FYCO1: variants seen among roughly 807,000 people sequenced by gnomAD.
The protein encoded by FYCO1 is FYVE and coiled-coil domain-containing protein 1.
In FYCO1, 122 loss-of-function variants were observed where a neutral mutation model predicts 165.1. The ratio of observed to expected loss-of-function variants is 0.74; its 90% CI spans 0.64 to 0.86. FYCO1 has a LOEUF of 0.86. Ranked by LOEUF, FYCO1 falls within the 40% of genes least tolerant of loss-of-function variation. The pLI is 0.00. For missense variants in FYCO1, 1,702 were observed against 1,810.3 expected, an observed-to-expected ratio of 0.94 and a Z score of 1.09; for synonymous variants, 648 against 742.5, an observed-to-expected ratio of 0.87 and a Z score of 2.07.
At chr3:45,930,822 C>A (rs1488715992) in intron 16 of FYCO1, among the ~76,000 whole-genome samples, 1 of 152,194 alleles carries the variant, frequency 6.6e-6, no homozygotes, top group African/African-American at 2.4e-5. Flanking sequence ...CAAGGGCAGA[C>A]TGTACCTGTT....
chr3:45,967,224 T>C lies in FYCO1; in HGVS notation c.2110A>G (p.Ser704Gly). ...QMAEKEAILQSKEGECQQLRE... is the reference protein window; with the variant it reads ...QMAEKEAILQGKEGECQQLRE... Reference sequence around the variant, plus strand: ...AGCTGCTGACACTCGCCCTCCTTGCTCTGTAGAATGGCCTCCTTCTCTGCC... The same window carrying C: ...AGCTGCTGACACTCGCCCTCCTTGCCCTGTAGAATGGCCTCCTTCTCTGCC... The change falls in exon 8 of 18, where the codon AGC becomes GGC. Residue 704 changes from serine to glycine, a missense_variant. Coordinates refer to ENST00000296137, the MANE Select transcript of FYCO1 (RefSeq NM_024513.4). The C allele has an allele frequency of 6.2e-7, 1 of 1,614,080 alleles. No homozygotes were observed. The highest frequency in any genetic ancestry group is 1.1e-5 in the South Asian group (1 of 91,086).
intron 14 of FYCO1, among the ~76,000 whole-genome samples, chr3:45,951,442 T>C (rs1705019025): frequency 6.6e-6 from 1 of 152,180 alleles, no homozygotes; most frequent in African/African-American, 2.4e-5. Context: ...TGTCTGCTCA[T>C]CTGGTAGCTA....
At chr3:45,957,359 A>G (rs1367368002) in intron 13 of FYCO1, among the ~76,000 whole-genome samples, 1 of 152,272 alleles carries the variant, frequency 6.6e-6, no homozygotes, top group Non-Finnish European at 1.5e-5. Flanking sequence ...ACATGACAAC[A>G]AAAAGAAAAA....
At chr3:45,949,272 G>A (rs977349122) in intron 14 of FYCO1, among the ~76,000 whole-genome samples, 1 of 152,224 alleles carries the variant, frequency 6.6e-6, no homozygotes, top group Non-Finnish European at 1.5e-5. Context: ...CTTTTAGGGT[G>A]ACAAGGCTGA....
chr3:45,976,403 A>T (rs774918125), intron 4 of FYCO1, among the ~76,000 whole-genome samples: 5 of 152,232 alleles, frequency 3.3e-5, no homozygotes, highest in Non-Finnish European at 5.9e-5. Flanking sequence ...CACAGAAGAC[A>T]CTTGGGCAAG....
intron 14 of FYCO1, among the ~76,000 whole-genome samples, chr3:45,940,384 C>T (rs1301602166): frequency 6.6e-6 from 1 of 152,202 alleles, no homozygotes; most frequent in Middle Eastern, 3.2e-3. Flanking sequence ...CAAGCACGCA[C>T]ACTAAGAGGC....
chr3:45,949,510 G>C (rs1704860063), intron 14 of FYCO1, among the ~76,000 whole-genome samples: 1 of 152,140 alleles, frequency 6.6e-6, no homozygotes, highest in Non-Finnish European at 1.5e-5. Flanking sequence ...TGCAGGCTCT[G>C]GGCTCACTCT....
intron 1 of FYCO1, among the ~76,000 whole-genome samples, chr3:45,995,513 T>C (rs1240303815): frequency 6.6e-6 from 1 of 152,176 alleles, no homozygotes. Flanking sequence ...GCAGGCTGGG[T>C]GCCTGGGCCG....
chr3:45,962,182 A>G lies in FYCO1; in HGVS notation c.3437+43T>C, dbSNP rs1418848106. 1.2e-6 allele frequency: 2 copies of G among 1,603,494 alleles called. No homozygotes were observed. The highest frequency in any genetic ancestry group is 1.7e-6 in the Non-Finnish European group (2 of 1,170,262). ...CTGCATTTCTTTAGAGAAAAACCCC[A>G]GTGTGGGGAAAACCCCAGCTGCTGG... is the stretch of plus-strand genomic sequence containing the variant. On this transcript the variant is annotated intron_variant, in intron 11 of 17. Transcript: ENST00000296137. The surrounding 1 kb of genome is among the most constrained non-coding windows in gnomAD (Gnocchi z 4.4).
At chr3:45,947,901 C>T in intron 14 of FYCO1, 1 of 229,380 alleles carries the variant, frequency 4.4e-6, no homozygotes, top group Admixed American at 5.2e-5. Context: ...GCTCAGAAGG[C>T]TCTTCTGACT....
intron 5 of FYCO1, among the ~76,000 whole-genome samples, chr3:45,974,420 C>G (rs1017675085): frequency 1.3e-5 from 2 of 152,184 alleles, no homozygotes; most frequent in African/African-American, 4.8e-5. Flanking sequence ...AAATAACCTT[C>G]AAATCAAATA....
chr3:45,978,704 T>C (rs1348394155), intron 4 of FYCO1, among the ~76,000 whole-genome samples: 2 of 152,174 alleles, frequency 1.3e-5, no homozygotes, highest in Non-Finnish European at 1.5e-5. Flanking sequence ...ATCAAGGGGT[T>C]TACCTGCTCC....
intron 14 of FYCO1, among the ~76,000 whole-genome samples, chr3:45,938,585 C>T (rs1575336286): frequency 1.3e-5 from 2 of 152,326 alleles, no homozygotes; most frequent in Non-Finnish European, 2.9e-5. Flanking sequence ...CATCCGACTC[C>T]CTGGTTCAAG....
At chr3:45,928,556 G>C (rs1487510610) in intron 16 of FYCO1, among the ~76,000 whole-genome samples, 1 of 152,220 alleles carries the variant, frequency 6.6e-6, no homozygotes, top group Non-Finnish European at 1.5e-5. Flanking sequence ...ACAGGGTGGA[G>C]AGTGTCTGAC....
chr3:45,921,199 C>T lies in FYCO1; in HGVS notation c.*566G>A, dbSNP rs975943259. The T allele has an allele frequency of 5.3e-6, 1 of 187,354 alleles. No individual in the cohort carries two copies. Among genetic ancestry groups the T allele is most frequent in the Admixed American group, 5.3e-5 (1 of 18,832 alleles). The allele number at this position is 187,354 out of a possible 1,614,324, so 11.6% of individuals were successfully genotyped here. A position where few individuals can be genotyped will look rare whatever the true frequency, so the allele number is the denominator to read the frequency against. On this transcript the variant is annotated 3_prime_UTR_variant, in exon 18 of 18. Coordinates refer to ENST00000296137, the MANE Select transcript of FYCO1 (RefSeq NM_024513.4). ...TCCAGCTTACTGGGGCAGTGAGGGACAAGAGCATGACTGGAGGAGCTGGTC... is the reference window on the plus strand; with the variant it reads ...TCCAGCTTACTGGGGCAGTGAGGGATAAGAGCATGACTGGAGGAGCTGGTC...
chr3:45,964,681 A>G lies in FYCO1; in HGVS notation c.3151-227T>C. The G allele has an allele frequency of 5.6e-6, 2 of 356,788 alleles. No homozygotes were observed. The highest frequency in any genetic ancestry group is 7.8e-6 in the Non-Finnish European group (2 of 255,062). The allele number at this position is 356,788 out of a possible 1,614,324, so 22.1% of individuals were successfully genotyped here. On this transcript the variant is annotated intron_variant, in intron 9 of 17. Transcript: ENST00000296137. This position sits in a 1 kb window ranked among gnomAD's most constrained non-coding sequence, Gnocchi z 4.1. ...GGCAGGTACCAGAATTCCCAGGGTA[A>G]CACTGAAGGTAGGGGTGGCAGGGAG...
chr3:45,923,213 G>A (rs942287383), intron 17 of FYCO1, among the ~76,000 whole-genome samples: 3 of 152,246 alleles, frequency 2.0e-5, no homozygotes, highest in Non-Finnish European at 4.4e-5. Context: ...CTCAAGCTCT[G>A]CCCTTCCTTC....
At chr3:45,955,121 G>T in intron 14 of FYCO1, 128 bp downstream of exon 14, 1 of 1,116,974 alleles carries the variant, frequency 9.0e-7, no homozygotes, top group Non-Finnish European at 1.4e-6. Flanking sequence ...GCCATCGCAA[G>T]CACTGTTCCC....
At chr3:45,977,214 T>C (rs145492661) in intron 4 of FYCO1, among the ~76,000 whole-genome samples, 2,232 of 151,940 alleles carry the variant, frequency 0.015, 22 homozygotes, top group South Asian at 0.032. Context: ...ACAGCCCAGG[T>C]CTGTAAGCTC....
Sources: gnomAD v4.1 joint callset for allele counts (sites outside exome capture counted in the v4.1 genomes callset) on GRCh38, gnomAD v4.1.1 for gene constraint, Gnocchi (gnomAD v3.1) non-coding constraint, MANE v1.5 for transcripts, NCBI Gene and HGNC (gene_info 2026-07-23, HGNC 2026-07-21) for gene names.